The following ANKH variants were observed in gnomAD, a reference collection of about 807,000 sequenced individuals.
ANKH encodes mineralization regulator ANKH.
ANKH carries 15 observed loss-of-function variants against 49.0 expected under a neutral mutation model. That is an observed-to-expected ratio of 0.31 (90% CI 0.20 to 0.47). The LOEUF (loss-of-function observed/expected upper bound fraction) is 0.47. ANKH is among the 20% of genes least tolerant of loss of function. The pLI is 1.00. For synonymous variants in ANKH, 273 were observed against 260.0 expected (o/e 1.05, Z -0.48); for missense variants, 429 against 652.0 (o/e 0.66, Z 3.72).
chr5:14,793,656 C>T (rs1024229950), intron 1 of ANKH, among the ~76,000 whole-genome samples: 3 of 152,164 alleles, frequency 2.0e-5, no homozygotes, highest in African/African-American at 2.4e-5. Flanking sequence ...GTGCTGTTCT[C>T]GCCTTCACTG....
chr5:14,862,151 G>A lies in ANKH; in HGVS notation c.96+9201C>T, dbSNP rs540951524. Among the ~76,000 whole-genome samples the A allele has an allele frequency of 5.3e-5, 8 of 152,270 alleles. No individual in the cohort carries two copies. In the South Asian group the frequency reaches 1.2e-3, roughly 24 times the overall value. ...CTCAGGAGGCTGAGGCAGGGGAATC[G>A]CTTGAACCCAGGAGGTGGACGTTGC... On this transcript the variant is annotated intron_variant, in intron 1 of 11. Coordinates refer to ENST00000284268, the MANE Select transcript of ANKH (RefSeq NM_054027.6).
intron 1 of ANKH, chr5:14,870,944 C>T (rs1241707691): frequency 2.8e-6 from 1 of 358,590 alleles, no homozygotes; most frequent in Non-Finnish European, 5.5e-6. Context: ...TCAACTTGGA[C>T]GCATTATAAA....
At chr5:14,812,117 TAAAAAAAAAAA>T (rs55728743) in intron 1 of ANKH, among the ~76,000 whole-genome samples, 1 of 126,556 alleles carries the variant, frequency 7.9e-6, no homozygotes, top group Non-Finnish European at 1.6e-5. Flanking sequence ...GTATTTATCT[TAAAAAAAAAAA>T]AAAAAAAAAA....
intron 1 of ANKH, among the ~76,000 whole-genome samples, chr5:14,846,271 T>C (rs207465627): frequency 6.6e-6 from 1 of 152,208 alleles, no homozygotes; most frequent in African/African-American, 2.4e-5. Context: ...TTAAAGACTG[T>C]TACCTAAGTG....
At chr5:14,730,240 G>T (rs4702045) in intron 8 of ANKH, among the ~76,000 whole-genome samples, 1 of 152,212 alleles carries the variant, frequency 6.6e-6, no homozygotes, top group African/African-American at 2.4e-5. Flanking sequence ...GCTGGAGCAG[G>T]GGGGCTCACA....
At position 14,794,170 on chromosome 5, in the gene ANKH, A is replaced by C. The variant is rs144171147; in HGVS notation, c.97-24979T>G. Among the ~76,000 whole-genome samples the C allele has an allele frequency of 3.4e-3, 511 of 152,368 alleles. 1 individual carries two copies. The highest frequency in any genetic ancestry group is 0.012 in the African/African-American group (479 of 41,592). On this transcript the variant is annotated intron_variant, in intron 1 of 11. Coordinates refer to ENST00000284268, the MANE Select transcript of ANKH (RefSeq NM_054027.6). The stretch of plus-strand genomic sequence containing the variant: ...TTTGGGCAATAAGGCATTGTTGGGA[A>C]GTGTACTGGGAAAGCCAGCCTATTC...
At chr5:14,847,204 T>C (rs1203701042) in intron 1 of ANKH, among the ~76,000 whole-genome samples, 2 of 152,034 alleles carry the variant, frequency 1.3e-5, no homozygotes, top group Non-Finnish European at 2.9e-5. Flanking sequence ...TTCATCCATA[T>C]TGGGGAAAAG....
chr5:14,718,388 A>G (rs2126419584), intron 8 of ANKH, among the ~76,000 whole-genome samples: 1 of 152,234 alleles, frequency 6.6e-6, no homozygotes, highest in African/African-American at 2.4e-5. Context: ...AAAAACTACA[A>G]CTTAAGAGGA....
intron 8 of ANKH, among the ~76,000 whole-genome samples, chr5:14,735,672 T>C (rs1408380080): frequency 6.6e-6 from 1 of 152,176 alleles, no homozygotes; most frequent in Non-Finnish European, 1.5e-5. Context: ...TGGTAGCTCC[T>C]GGGCTGAGGC....
intron 6 of ANKH, among the ~76,000 whole-genome samples, chr5:14,747,815 T>C (rs1437668106): frequency 1.3e-5 from 2 of 152,258 alleles, no homozygotes; most frequent in East Asian, 1.9e-4. Flanking sequence ...AAAGGAGCAT[T>C]GGGATCGGGC....
intron 8 of ANKH, among the ~76,000 whole-genome samples, chr5:14,734,510 C>T (rs770572559): frequency 1.3e-5 from 2 of 152,178 alleles, no homozygotes; most frequent in Non-Finnish European, 2.9e-5. Context: ...GGCACTGAAA[C>T]CTTATAACAC....
intron 1 of ANKH, among the ~76,000 whole-genome samples, chr5:14,865,715 C>T (rs866269605): frequency 6.6e-6 from 1 of 152,176 alleles, no homozygotes; most frequent in Non-Finnish European, 1.5e-5. Flanking sequence ...TCCTCCTAAT[C>T]GAATGAAATA....
intron 1 of ANKH, among the ~76,000 whole-genome samples, chr5:14,816,357 T>G (rs116605505): frequency 0.012 from 1,765 of 152,304 alleles, 33 homozygotes; most frequent in African/African-American, 0.041. Context: ...ATGGGTCTAA[T>G]TGTAATTTCT....
At chr5:14,712,292 G>GACC (rs908270415) in intron 11 of ANKH, among the ~76,000 whole-genome samples, 20 of 152,200 alleles carry the variant, frequency 1.3e-4, no homozygotes, top group African/African-American at 4.8e-4. Context: ...CTACTCTCTT[G>GACC]ACCAACTGTT....
At chr5:14,765,090 G>T (rs191357464) in intron 2 of ANKH, among the ~76,000 whole-genome samples, 1 of 152,362 alleles carries the variant, frequency 6.6e-6, no homozygotes, top group Non-Finnish European at 1.5e-5. Context: ...CTAAATGAAG[G>T]TGTGGTGATG....
chr5:14,766,586 A>G (rs79706044), intron 2 of ANKH, among the ~76,000 whole-genome samples: 2,744 of 152,360 alleles, frequency 0.018, 81 homozygotes, highest in African/African-American at 0.063. Flanking sequence ...TGCTAAAAGG[A>G]AATAAATTCA....
chr5:14,723,592 T>C (rs1399733918), intron 8 of ANKH, among the ~76,000 whole-genome samples: 5 of 152,076 alleles, frequency 3.3e-5, no homozygotes, highest in Admixed American at 6.5e-5. Context: ...TGAGCCAAGA[T>C]TGCGCCACTG....
intron 2 of ANKH, among the ~76,000 whole-genome samples, chr5:14,759,156 T>A (rs141853822): frequency 6.6e-6 from 1 of 152,356 alleles, no homozygotes; most frequent in Non-Finnish European, 1.5e-5. Flanking sequence ...ACTTGCCAGT[T>A]CTTTTATTTC....
rs1738356176 is a variant in ANKH, at chr5:14,741,594, A to C, written c.1011+233T>G. On this transcript the variant is annotated intron_variant, in intron 8 of 11. Coordinates refer to ENST00000284268, the MANE Select transcript of ANKH (RefSeq NM_054027.6). ...TTAAAGGCAACCTCTTCCTTTCTGC[A>C]GCATTTGAGAAGTCCCAAGAAATGC... The C allele has an allele frequency of 5.8e-6, 3 of 519,360 alleles. No individual in the cohort carries two copies. In the South Asian group the frequency reaches 6.5e-5, roughly 11 times the overall value. The allele number at this position is 519,360 out of a possible 1,614,324, so 32.2% of individuals were successfully genotyped here. A position where few individuals can be genotyped will look rare whatever the true frequency, so the allele number is the denominator to read the frequency against.
Sources: allele counts gnomAD v4.1 joint callset (sites outside exome capture counted in the v4.1 genomes callset), GRCh38; gene constraint gnomAD v4.1.1; transcripts MANE v1.5; gene names NCBI Gene and HGNC (gene_info 2026-07-23, HGNC 2026-07-21).